HDAC4: variants seen among roughly 807,000 people sequenced by gnomAD.
HDAC4 encodes the protein histone deacetylase 4.
A neutral mutation model predicts 135.1 loss-of-function variants in HDAC4; 16 were observed. That is an observed-to-expected ratio of 0.12 (90% CI 0.08 to 0.18). The LOEUF (loss-of-function observed/expected upper bound fraction) is 0.18. HDAC4 is among the 10% of genes least tolerant of loss of function. HDAC4 has a pLI of 1.00. For missense variants in HDAC4, 1,143 were observed against 1,511.8 expected (o/e 0.76, Z 4.05); for synonymous variants, 685 against 653.4 (o/e 1.05, Z -0.74).
rs1223033538 is a variant in HDAC4, at chr2:239,141,435, T to G, written c.866-1639A>C. Among the ~76,000 whole-genome samples the G allele has an allele frequency of 6.6e-6, 1 of 152,088 alleles. No individual in the cohort carries two copies. Among genetic ancestry groups the G allele is most frequent in the African/African-American group, 2.4e-5 (1 of 41,402 alleles). ...CCCATCCTCTTTCTTTCCCTGGCCC[T>G]CTCACCCTCTCACTTCCACCAGACA... On this transcript the variant is annotated intron_variant, in intron 8 of 26. Transcript: ENST00000543185. The surrounding 1 kb of genome is among the most constrained non-coding windows in gnomAD (Gnocchi z 4.9).
intron 24 of HDAC4, among the ~76,000 whole-genome samples, chr2:239,057,918 TCAAA>T (rs1375404147): frequency 6.6e-6 from 1 of 152,084 alleles, no homozygotes. Flanking sequence ...ATCAGTGAAA[TCAAA>T]CAAAAGAAAG....
intron 21 of HDAC4, among the ~76,000 whole-genome samples, chr2:239,081,654 T>C (rs2035339242): frequency 6.6e-6 from 1 of 152,054 alleles, no homozygotes; most frequent in Admixed American, 6.5e-5. Flanking sequence ...CTGTTCAGAG[T>C]GGGCAGGCTC....
chr2:239,305,196 C>A (rs1165022005), intron 2 of HDAC4, among the ~76,000 whole-genome samples: 1 of 152,222 alleles, frequency 6.6e-6, no homozygotes, highest in East Asian at 1.9e-4. Context: ...CTGAGGATTG[C>A]TGCTGTGTTT....
At position 239,313,894 on chromosome 2, in the gene HDAC4, C is replaced by T. The variant is rs771903903; in HGVS notation, c.22+38784G>A. On this transcript the variant is annotated intron_variant, in intron 2 of 26. Coordinates refer to ENST00000543185, the MANE Select transcript of HDAC4 (RefSeq NM_001378414.1). The surrounding 1 kb of genome is among the most constrained non-coding windows in gnomAD (Gnocchi z 5.1). ...GTCCTGGGGCAGCCACCTGCACTGC[C>T]TCTTACCACTGCACCGTCCCTGTGA... Among the ~76,000 whole-genome samples, 15 of 152,204 alleles carry T rather than the reference C, an allele frequency of 9.9e-5. No homozygotes were observed. The highest frequency in any genetic ancestry group is 1.9e-4 in the Non-Finnish European group (13 of 68,038).
intron 2 of HDAC4, among the ~76,000 whole-genome samples, chr2:239,320,590 T>C (rs1054151259): frequency 2.0e-5 from 3 of 152,314 alleles, no homozygotes; most frequent in African/African-American, 7.2e-5. Flanking sequence ...TGAACTTTTC[T>C]AGCTATTAAT....
intron 3 of HDAC4, among the ~76,000 whole-genome samples, chr2:239,235,574 C>G (rs1037906088): frequency 6.6e-6 from 1 of 152,206 alleles, no homozygotes; most frequent in Admixed American, 6.5e-5. Flanking sequence ...CTCAGCCCCA[C>G]GCCATCAGGA....
At chr2:239,126,767 A>T in intron 11 of HDAC4, 73 bp from the exon 12 acceptor site, 1 of 1,495,808 alleles carries the variant, frequency 6.7e-7, no homozygotes, top group Non-Finnish European at 9.2e-7. Flanking sequence ...GCTATTGAGT[A>T]AGTGATGGAG....
intron 3 of HDAC4, among the ~76,000 whole-genome samples, chr2:239,198,539 C>T (rs1231611314): frequency 3.9e-5 from 6 of 152,214 alleles, no homozygotes; most frequent in Admixed American, 3.9e-4. Context: ...CCTCAGCTTG[C>T]TCCTGTCCCC....
At chr2:239,185,698 C>T (rs1016887188) in intron 4 of HDAC4, among the ~76,000 whole-genome samples, 7 of 152,174 alleles carry the variant, frequency 4.6e-5, no homozygotes, top group African/African-American at 1.4e-4. Flanking sequence ...ATGTTTGTGT[C>T]CTGCCTCTCC....
chr2:239,369,444 G>A (rs1485773102), intron 1 of HDAC4, among the ~76,000 whole-genome samples: 3 of 152,246 alleles, frequency 2.0e-5, no homozygotes, highest in Non-Finnish European at 2.9e-5. Context: ...CCGCTAACCC[G>A]GTTGGTTTCC....
At position 239,393,119 on chromosome 2, in the gene HDAC4, G is replaced by C. The variant is rs557040472; in HGVS notation, c.-220+7859C>G. Among the ~76,000 whole-genome samples the C allele has an allele frequency of 4.6e-5, 7 of 152,258 alleles. No homozygotes were observed. The East Asian group carries it at 1.2e-3, about 25-fold the overall frequency. The stretch of plus-strand genomic sequence containing the variant: ...TCAGAGCCACAGGACTGGGACCCCC[G>C]GCGTGTGAGCCACCTTCTTCACCTT... On this transcript the variant is annotated intron_variant, in intron 1 of 26. Coordinates refer to ENST00000543185, the MANE Select transcript of HDAC4 (RefSeq NM_001378414.1).
chr2:239,141,072 G>A lies in HDAC4; in HGVS notation c.866-1276C>T, dbSNP rs550854348. The A allele has an allele frequency of 3.2e-5, 9 of 278,844 alleles. No individual in the cohort carries two copies. The highest frequency in any genetic ancestry group is 1.4e-4 in the African/African-American group (6 of 43,262). 17.3% of individuals were successfully genotyped at this position (278,844 alleles called of 1,614,324 possible). ...TTGAGGAAGGTGCCATTATGACCCCGTTTCCCAGAAGAGGAGATGGAGGCA... is the reference window on the plus strand; with the variant it reads ...TTGAGGAAGGTGCCATTATGACCCCATTTCCCAGAAGAGGAGATGGAGGCA... On this transcript the variant is annotated intron_variant, in intron 8 of 26. Transcript: ENST00000543185. This position sits in a 1 kb window ranked among gnomAD's most constrained non-coding sequence, Gnocchi z 4.9.
intron 14 of HDAC4, among the ~76,000 whole-genome samples, chr2:239,109,686 G>A (rs1191026992): frequency 6.6e-6 from 1 of 151,926 alleles, no homozygotes; most frequent in Admixed American, 6.6e-5. Flanking sequence ...TCAGTACACT[G>A]TGTGTGGGCA....
Position 239,081,128 on chromosome 2 carries a change from G to C in HDAC4, c.2717C>G (p.Pro906Arg). Residue 906 changes from proline to arginine, a missense_variant, in exon 22 of 27, where the codon CCC (proline) becomes CGC (arginine). Pro to Arg is a moderately radical substitution (Grantham distance 103). Around this residue, in one of 9 missense-constraint regions of HDAC4, gnomAD observed 189 missense variants for 317.6 expected, o/e 0.60. Transcript: ENST00000543185. ...CGCCAAGTACTCAGCGTCTCCCATG[G>C]GGGGGTCCAGGCCGCCGGTGAAAGC... is the stretch of plus-strand genomic sequence containing the variant. Reference protein sequence around the residue: ...NMAFTGGLDPPMGDAEYLAAF... With the variant: ...NMAFTGGLDPRMGDAEYLAAF... 5 of 1,613,962 alleles carry C rather than the reference G, an allele frequency of 3.1e-6. No individual in the cohort carries two copies. The highest frequency in any genetic ancestry group is 4.2e-6 in the Non-Finnish European group (5 of 1,179,968).
rs2033211120 is a variant in HDAC4, at chr2:239,064,478, C to T, written c.3003+2244G>A. Reference sequence around the variant, plus strand: ...ACCTCCGCCGTCTCTGATGCTGCCCCTCACATCGGCCTCAACAGAAGGGGA... The same window carrying T: ...ACCTCCGCCGTCTCTGATGCTGCCCTTCACATCGGCCTCAACAGAAGGGGA... On this transcript the variant is annotated intron_variant, in intron 24 of 26. Coordinates refer to ENST00000543185, the MANE Select transcript of HDAC4 (RefSeq NM_001378414.1). Among the ~76,000 whole-genome samples, 10 of 152,148 alleles carry T rather than the reference C, an allele frequency of 6.6e-5. No individual in the cohort carries two copies. In the South Asian group the frequency reaches 2.1e-3, roughly 32 times the overall value.
intron 16 of HDAC4, among the ~76,000 whole-genome samples, chr2:239,101,033 T>A (rs2037568202): frequency 6.6e-6 from 1 of 152,172 alleles, no homozygotes; most frequent in Non-Finnish European, 1.5e-5. Context: ...CCTCTGCAGT[T>A]GCTGAGCCTG....
At position 239,184,069 on chromosome 2, in the gene HDAC4, TAAAAAAAAAAAAAA is replaced by T. The variant is rs58952360; in HGVS notation, c.339+5750_339+5763del. On this transcript the variant is annotated intron_variant, in intron 4 of 26. Coordinates refer to ENST00000543185, the MANE Select transcript of HDAC4 (RefSeq NM_001378414.1). ...GAAAAAGAGGCCAGCCTTGCTAGTG[TAAAAAAAAAAAAAA>T]AAAAAAAAAAAAAGACATGCCACTA... 8.3e-4 allele frequency among the ~76,000 whole-genome samples: 59 copies of T among 71,404 alleles called. 1 individual carries two copies. The highest frequency in any genetic ancestry group is 3.3e-3 in the African/African-American group (54 of 16,290). 46.8% of individuals were successfully genotyped at this position (71,404 alleles called of 152,430 possible).
intron 2 of HDAC4, among the ~76,000 whole-genome samples, chr2:239,345,702 A>T (rs979281336): frequency 1.3e-5 from 2 of 150,976 alleles, no homozygotes; most frequent in East Asian, 3.9e-4. Flanking sequence ...ACACACATGC[A>T]CTCACCCTAA....
chr2:239,133,925 G>C lies in HDAC4; in HGVS notation c.1294+320C>G, dbSNP rs776608761. On this transcript the variant is annotated intron_variant, in intron 11 of 26. Coordinates refer to ENST00000543185, the MANE Select transcript of HDAC4 (RefSeq NM_001378414.1). ...GTTCGCTAACACAAACTGACCACAA[G>C]AGTCGGTTCTGGGCTTCCAGCGCTG... 7.2e-5 allele frequency among the ~76,000 whole-genome samples: 11 copies of C among 152,202 alleles called. No individual in the cohort carries two copies. In the South Asian group the frequency reaches 1.7e-3, roughly 23 times the overall value.
Sources: allele counts gnomAD v4.1 joint callset (sites outside exome capture counted in the v4.1 genomes callset), GRCh38; gene constraint gnomAD v4.1.1; regional missense constraint gnomAD v4.1.1; non-coding constraint Gnocchi (gnomAD v3.1); transcripts MANE v1.5; gene names NCBI Gene and HGNC (gene_info 2026-07-23, HGNC 2026-07-21).